The following WWOX variants were observed in gnomAD, a reference collection of about 807,000 sequenced individuals.
WWOX encodes WW domain containing oxidoreductase, also known as WW domain-containing oxidoreductase.
WWOX carries 69 observed loss-of-function variants against 46.2 expected under a neutral mutation model. The observed-to-expected ratio is 1.49, with a 90% CI of 1.23 to 1.82. The LOEUF (loss-of-function observed/expected upper bound fraction) is 1.82, where lower values mean the gene tolerates loss of function less well. Ranked by LOEUF, WWOX falls within the 40% of genes most tolerant of loss-of-function variation. The pLI, the probability that WWOX is intolerant of heterozygous loss-of-function variation, is 0.00. For synonymous variants in WWOX, 359 were observed against 202.6 expected, an observed-to-expected ratio of 1.77 and a Z score of -6.56; for missense variants, 919 against 542.6, an observed-to-expected ratio of 1.69 and a Z score of -6.89.
At chr16:78,200,861 A>T (rs930409302) in intron 5 of WWOX, among the ~76,000 whole-genome samples, 1 of 152,272 alleles carries the variant, frequency 6.6e-6, no homozygotes, top group Middle Eastern at 3.4e-3. Context: ...CCCAAATTCT[A>T]TTCATGCAAT....
chr16:78,983,749 A>G (rs1024496273), intron 8 of WWOX, among the ~76,000 whole-genome samples: 4 of 152,184 alleles, frequency 2.6e-5, no homozygotes, highest in Non-Finnish European at 5.9e-5. Context: ...AGTGAGAGAT[A>G]AACTTCTATT....
rs537398118 is a variant in WWOX, at chr16:78,780,464, C to T, written c.1056+347712C>T. 9.2e-5 allele frequency: 14 copies of T among 152,320 alleles called. No homozygotes were observed. The East Asian group carries it at 2.7e-3, about 29-fold the overall frequency. 9.4% of individuals were successfully genotyped at this position (152,320 alleles called of 1,614,324 possible). Reference sequence around the variant, plus strand: ...AAACAAGTCAAAAACAAAAAGGCCTCTGACTTAACAGGACTTCCGTGATGC... The same window carrying T: ...AAACAAGTCAAAAACAAAAAGGCCTTTGACTTAACAGGACTTCCGTGATGC... On this transcript the variant is annotated intron_variant, in intron 8 of 8. Coordinates refer to ENST00000566780, the MANE Select transcript of WWOX (RefSeq NM_016373.4).
chr16:78,446,039 T>G (rs769439046), intron 8 of WWOX, among the ~76,000 whole-genome samples: 1 of 152,222 alleles, frequency 6.6e-6, no homozygotes, highest in Non-Finnish European at 1.5e-5. Flanking sequence ...ACTGGGCTTA[T>G]TTTGCTTCTT....
At chr16:78,356,931 T>C (rs141019383) in intron 5 of WWOX, among the ~76,000 whole-genome samples, 1 of 152,150 alleles carries the variant, frequency 6.6e-6, no homozygotes, top group Non-Finnish European at 1.5e-5. Context: ...ATATGAGATC[T>C]TCACCCAATC....
rs140505917 is a variant in WWOX at position 78,944,903 on chromosome 16, G to T, written c.1057-266705G>T. ...TTGAAAAACTTTTCCTAAAGGCCAG[G>T]CACAGTGGCTCACACCTGTAATCCC... On this transcript the variant is annotated intron_variant, in intron 8 of 8. Coordinates refer to ENST00000566780, the MANE Select transcript of WWOX (RefSeq NM_016373.4). 3.3e-5 allele frequency among the ~76,000 whole-genome samples: 5 copies of T among 152,278 alleles called. No homozygotes were observed. The East Asian group carries it at 9.6e-4, about 29-fold the overall frequency.
rs1432459113 is a variant in WWOX, at chr16:78,910,415, A to G, written c.1057-301193A>G. On this transcript the variant is annotated intron_variant, in intron 8 of 8. Coordinates refer to ENST00000566780, the MANE Select transcript of WWOX (RefSeq NM_016373.4). ...TTTTTCTGTATCAAGTCACCGTGTT[A>G]TGGGGGTTGTTCCTCACTGCAGGAG... is the stretch of plus-strand genomic sequence containing the variant. Among the ~76,000 whole-genome samples the G allele has an allele frequency of 2.0e-5, 3 of 151,840 alleles. 1 individual carries two copies. Among genetic ancestry groups the G allele is most frequent in the Non-Finnish European group, 4.4e-5 (3 of 67,978 alleles).
At position 78,837,521 on chromosome 16, in the gene WWOX, C is replaced by T. The variant is rs77796881; in HGVS notation, c.1057-374087C>T. On this transcript the variant is annotated intron_variant, in intron 8 of 8. Coordinates refer to ENST00000566780, the MANE Select transcript of WWOX (RefSeq NM_016373.4). ...TTTGACATCACTCAAAGCCTGAACA[C>T]TTCTCAGGAGTGGGATACTTTTTTT... 2.0e-5 allele frequency among the ~76,000 whole-genome samples: 3 copies of T among 152,324 alleles called. No homozygotes were observed. The East Asian group carries it at 5.8e-4, about 29-fold the overall frequency.
chr16:78,544,626 C>G (rs866287916), intron 8 of WWOX, among the ~76,000 whole-genome samples: 3 of 152,158 alleles, frequency 2.0e-5, no homozygotes, highest in South Asian at 2.1e-4. Context: ...TGGCTCACAC[C>G]TCTAATTCCA....
intron 8 of WWOX, among the ~76,000 whole-genome samples, chr16:78,713,589 G>A (rs2048494346): frequency 6.6e-6 from 1 of 152,088 alleles, no homozygotes; most frequent in Non-Finnish European, 1.5e-5. Flanking sequence ...ATAAAAAGAG[G>A]AAATTTGGAT....
intron 4 of WWOX, among the ~76,000 whole-genome samples, chr16:78,136,399 T>G (rs1463487704): frequency 6.6e-6 from 1 of 152,192 alleles, no homozygotes; most frequent in African/African-American, 2.4e-5. Flanking sequence ...GAGCAAAGGA[T>G]GCTGTTTCCT....
intron 8 of WWOX, among the ~76,000 whole-genome samples, chr16:79,003,745 T>A (rs1212100152): frequency 1.3e-5 from 2 of 152,164 alleles, no homozygotes; most frequent in Non-Finnish European, 2.9e-5. Context: ...CTGTTTCAGC[T>A]ACACAGCAGA....
intron 8 of WWOX, among the ~76,000 whole-genome samples, chr16:78,924,301 G>A (rs556650336): frequency 2.0e-5 from 3 of 152,254 alleles, no homozygotes; most frequent in Admixed American, 1.3e-4. Context: ...GATTAGGAAG[G>A]CTTTTTTAGG....
intron 8 of WWOX, among the ~76,000 whole-genome samples, chr16:79,033,154 A>AAT (rs1177285835): frequency 2.7e-5 from 4 of 146,204 alleles, no homozygotes; most frequent in East Asian, 2.0e-4. Context: ...ATATATATAT[A>AAT]ATATATATAT....
At chr16:78,725,344 CTT>C (rs1220702069) in intron 8 of WWOX, among the ~76,000 whole-genome samples, 2,218 of 61,652 alleles carry the variant, frequency 0.036, 38 homozygotes, top group African/African-American at 0.15. Flanking sequence ...CTTTTCTTTT[CTT>C]TTTTTTTTTT....
chr16:79,084,310 G>T (rs2048815577), intron 8 of WWOX, among the ~76,000 whole-genome samples: 1 of 152,140 alleles, frequency 6.6e-6, no homozygotes, highest in South Asian at 2.1e-4. Flanking sequence ...GAGAAAATAT[G>T]TAAAGATCAA....
intron 5 of WWOX, chr16:78,266,964 C>T (rs531572949): frequency 3.3e-5 from 5 of 152,212 alleles, no homozygotes; most frequent in African/African-American, 1.2e-4. Context: ...TCATGGGCCC[C>T]AGTCTTTCCC....
Position 78,431,714 on chromosome 16 carries a change from A to G in WWOX, c.792-774A>G, listed in dbSNP as rs573392365. Among the ~76,000 whole-genome samples the G allele has an allele frequency of 4.8e-5, 7 of 146,882 alleles. No homozygotes were observed. The South Asian group carries it at 6.5e-4, about 14-fold the overall frequency. On this transcript the variant is annotated intron_variant, in intron 7 of 8. Transcript: ENST00000566780. Reference sequence around the variant, plus strand: ...TCCTTTTTTTTTTTTTAATTTTTAAATTTTAAATTCTTACTTTTAGATATG... The same window carrying G: ...TCCTTTTTTTTTTTTTAATTTTTAAGTTTTAAATTCTTACTTTTAGATATG...
chr16:78,718,134 G>A (rs2142344325), intron 8 of WWOX, among the ~76,000 whole-genome samples: 1 of 71,276 alleles, frequency 1.4e-5, no homozygotes, highest in East Asian at 3.4e-4. Flanking sequence ...GAAAGTATGG[G>A]CCATTGCATG....
At chr16:78,678,237 G>A (rs2047649553) in intron 8 of WWOX, among the ~76,000 whole-genome samples, 1 of 152,174 alleles carries the variant, frequency 6.6e-6, no homozygotes, top group Admixed American at 6.5e-5. Flanking sequence ...TGGGCTGGGT[G>A]TGGTGGGTCA....
Sources: gnomAD v4.1 joint callset for allele counts (sites outside exome capture counted in the v4.1 genomes callset) on GRCh38, gnomAD v4.1.1 for gene constraint, MANE v1.5 for transcripts, NCBI Gene and HGNC (gene_info 2026-07-23, HGNC 2026-07-21) for gene names.